The following NPAS3 variants were observed in gnomAD, a reference collection of about 807,000 sequenced individuals.
NPAS3 encodes neuronal PAS domain protein 3.
A neutral mutation model predicts 73.1 loss-of-function variants in NPAS3; 14 were observed. That is an observed-to-expected ratio of 0.19 (90% CI 0.13 to 0.30). The LOEUF is 0.30. NPAS3 is among the 10% of genes least tolerant of loss of function. NPAS3 has a pLI of 1.00. For synonymous variants in NPAS3, 620 were observed against 541.5 expected (o/e 1.14, Z -2.01); for missense variants, 1,096 against 1,250.0 (o/e 0.88, Z 1.86).
chr14:33,449,821 G>T (rs1167724993), intron 4 of NPAS3, among the ~76,000 whole-genome samples: 1 of 152,060 alleles, frequency 6.6e-6, no homozygotes, highest in Non-Finnish European at 1.5e-5. Context: ...ATGTTGTCTT[G>T]TAACCATATT....
Position 33,325,894 on chromosome 14 carries a change from G to A in NPAS3, c.386-41292G>A, listed in dbSNP as rs76456112. 8.9e-3 allele frequency among the ~76,000 whole-genome samples: 1,359 copies of A among 152,048 alleles called. 19 individuals are homozygous for A. Among genetic ancestry groups the A allele is most frequent in the African/African-American group, 0.031 (1,305 of 41,486 alleles). ...AGTTATTTTTTACTTGAGACTTTCA[G>A]TTACCAAAGTATAGTTATATTAGTG... On this transcript the variant is annotated intron_variant, in intron 3 of 11. Coordinates refer to ENST00000356141, the Ensembl canonical transcript of NPAS3.
intron 1 of NPAS3, among the ~76,000 whole-genome samples, chr14:33,051,209 G>A (rs2040693509): frequency 6.7e-6 from 1 of 148,952 alleles, no homozygotes; most frequent in Non-Finnish European, 1.5e-5. Context: ...AGGAAGCGGA[G>A]CTTGCAGTGA....
chr14:33,402,193 C>T (rs886145450), intron 4 of NPAS3, among the ~76,000 whole-genome samples: 1 of 152,016 alleles, frequency 6.6e-6, no homozygotes, highest in South Asian at 2.1e-4. Flanking sequence ...ACCTGAGGTA[C>T]CTTTCAAAAG....
chr14:33,276,554 A>C (rs185571838), intron 3 of NPAS3, among the ~76,000 whole-genome samples: 1 of 152,240 alleles, frequency 6.6e-6, no homozygotes, highest in African/African-American at 2.4e-5. Context: ...TGATTCTGGG[A>C]TAAATCCCAA....
At chr14:33,088,962 G>T (rs1173578622) in intron 2 of NPAS3, among the ~76,000 whole-genome samples, 1 of 152,084 alleles carries the variant, frequency 6.6e-6, no homozygotes, top group East Asian at 1.9e-4. Flanking sequence ...GCAGCTGAGG[G>T]TCCCAACTGT....
At position 33,370,826 on chromosome 14, in the gene NPAS3, A is replaced by G. The variant is rs539123723; in HGVS notation, c.468+3558A>G. 1.4e-4 allele frequency among the ~76,000 whole-genome samples: 22 copies of G among 152,214 alleles called. No homozygotes were observed. In the East Asian group the frequency reaches 1.5e-3, roughly 11 times the overall value. ...AATGACAGGATTTAATCATCACCAC[A>G]AGTTTTCTAGTTTGGCTGCTAGCTG... On this transcript the variant is annotated intron_variant, in intron 4 of 11. Coordinates refer to ENST00000356141, the Ensembl canonical transcript of NPAS3.
chr14:33,265,490 C>G lies in NPAS3; in HGVS notation c.385+50064C>G, dbSNP rs145018106. 1.3e-3 allele frequency among the ~76,000 whole-genome samples: 106 copies of G among 84,120 alleles called. 1 individual carries two copies. The East Asian group carries it at 0.026, about 21-fold the overall frequency. 55.2% of individuals were successfully genotyped at this position (84,120 alleles called of 152,430 possible). On this transcript the variant is annotated intron_variant, in intron 3 of 11. Transcript: ENST00000356141. ...CCTTTTCTGTGATATTTGGTAAGAG[C>G]AATGCATTACATTTTTTTTTCATTT...
chr14:33,388,702 A>G (rs541571607), intron 4 of NPAS3, among the ~76,000 whole-genome samples: 104 of 152,244 alleles, frequency 6.8e-4, no homozygotes, highest in African/African-American at 2.3e-3. Context: ...TTCTTTCCAG[A>G]TTGGGAAACT....
At chr14:33,754,034 C>A (rs10129690) in intron 7 of NPAS3, among the ~76,000 whole-genome samples, 1 of 151,950 alleles carries the variant, frequency 6.6e-6, no homozygotes, top group African/African-American at 2.4e-5. Flanking sequence ...ATGCCTGAGC[C>A]TATTAAGAAA....
chr14:33,524,649 G>A (rs573810307), intron 4 of NPAS3, among the ~76,000 whole-genome samples: 1 of 152,250 alleles, frequency 6.6e-6, no homozygotes, highest in African/African-American at 2.4e-5. Flanking sequence ...TCACAAACTG[G>A]TTGGCTTACA....
chr14:33,579,959 A>G (rs921183775), intron 5 of NPAS3, among the ~76,000 whole-genome samples: 2 of 152,200 alleles, frequency 1.3e-5, no homozygotes, highest in Non-Finnish European at 2.9e-5. Context: ...GTTTTATTTC[A>G]GACTTTCAAA....
At chr14:33,096,321 A>T (rs1003211769) in intron 2 of NPAS3, among the ~76,000 whole-genome samples, 1 of 152,166 alleles carries the variant, frequency 6.6e-6, no homozygotes, top group Non-Finnish European at 1.5e-5. Context: ...AAAGTACTTC[A>T]TGGCCAATTC....
intron 5 of NPAS3, among the ~76,000 whole-genome samples, chr14:33,622,360 T>A (rs2058100324): frequency 6.6e-6 from 1 of 151,998 alleles, no homozygotes; most frequent in Admixed American, 6.6e-5. Context: ...TTTACTATAA[T>A]CTTTAACAGC....
chr14:33,803,905 A>T (rs1416482850), downstream of NPAS3: 1 of 152,198 alleles, frequency 6.6e-6, no homozygotes, highest in Non-Finnish European at 1.5e-5. Flanking sequence ...AAATAATTAA[A>T]ACGTTACAAA....
At chr14:33,448,431 G>T (rs1379949255) in intron 4 of NPAS3, among the ~76,000 whole-genome samples, 1 of 152,148 alleles carries the variant, frequency 6.6e-6, no homozygotes, top group East Asian at 1.9e-4. Context: ...TGCAAAAGAA[G>T]CTCGTGAGCT....
chr14:33,802,511 T>C (rs2063741455), downstream of NPAS3: 1 of 152,224 alleles, frequency 6.6e-6, no homozygotes, highest in South Asian at 2.1e-4. Context: ...CACTTCATTT[T>C]TGGCAGCTGT....
intron 1 of NPAS3, among the ~76,000 whole-genome samples, chr14:33,040,420 A>G (rs2040313267): frequency 1.3e-5 from 2 of 152,206 alleles, no homozygotes; most frequent in African/African-American, 4.8e-5. Context: ...AATGAGGATC[A>G]CCACAGATAT....
intron 4 of NPAS3, among the ~76,000 whole-genome samples, chr14:33,429,363 G>A (rs1324454228): frequency 6.6e-6 from 1 of 151,928 alleles, no homozygotes; most frequent in Non-Finnish European, 1.5e-5. Flanking sequence ...GCTATCTCTT[G>A]GATCTTCAGG....
chr14:33,500,848 A>G (rs905687738), intron 4 of NPAS3, among the ~76,000 whole-genome samples: 4 of 151,962 alleles, frequency 2.6e-5, no homozygotes, highest in African/African-American at 9.7e-5. Context: ...GAAAAGAGAA[A>G]AGCCAGCAGT....
Sources: allele counts gnomAD v4.1 joint callset (sites outside exome capture counted in the v4.1 genomes callset), GRCh38; gene constraint gnomAD v4.1.1; transcripts MANE v1.5; gene names NCBI Gene and HGNC (gene_info 2026-07-23, HGNC 2026-07-21).